EPB41L2: variants seen among roughly 807,000 people sequenced by gnomAD.
The protein encoded by EPB41L2 is erythrocyte membrane protein band 4.1 like 2.
In EPB41L2, 43 loss-of-function variants were observed where a neutral mutation model predicts 113.0. The observed-to-expected ratio is 0.38, with a 90% CI of 0.30 to 0.49. The LOEUF (loss-of-function observed/expected upper bound fraction) is 0.49, where lower values mean the gene tolerates loss of function less well. EPB41L2 is among the 20% of genes least tolerant of loss of function. The pLI is 0.95. For synonymous variants in EPB41L2, 442 were observed against 436.7 expected (o/e 1.01, Z -0.15); for missense variants, 1,147 against 1,223.4 (o/e 0.94, Z 0.93).
intron 1 of EPB41L2, among the ~76,000 whole-genome samples, chr6:131,042,704 G>A (rs1344010673): frequency 6.6e-6 from 1 of 152,102 alleles, no homozygotes; most frequent in African/African-American, 2.4e-5. Context: ...TTGCTTACTG[G>A]GTAAGAAATC....
chr6:131,038,127 A>G (rs1793732270), intron 1 of EPB41L2, among the ~76,000 whole-genome samples: 1 of 152,152 alleles, frequency 6.6e-6, no homozygotes, highest in African/African-American at 2.4e-5. Context: ...AAGGCCAGGT[A>G]CCTTCAAAAT....
chr6:130,880,258 A>T, intron 12 of EPB41L2, 52 bp from the exon 13 acceptor site: 4 of 1,302,836 alleles, frequency 3.1e-6, no homozygotes, highest in Non-Finnish European at 4.4e-6. Flanking sequence ...ACATAAGTGT[A>T]TCAATCAGCA....
intron 1 of EPB41L2, among the ~76,000 whole-genome samples, chr6:131,035,072 T>C (rs1793010878): frequency 6.6e-6 from 1 of 152,178 alleles, no homozygotes; most frequent in Non-Finnish European, 1.5e-5. Flanking sequence ...GAGCTCTTAG[T>C]TAAGAAGACA....
intron 10 of EPB41L2, 119 bp downstream of exon 10, chr6:130,894,225 C>T (rs1793865927): frequency 2.7e-6 from 2 of 751,454 alleles, no homozygotes. Flanking sequence ...TCAGTATGTT[C>T]CCCAGGCTGG....
At position 131,059,114 on chromosome 6, in the gene EPB41L2, C is replaced by CTTT. The variant is rs1554361720; in HGVS notation, c.-15+4038_-15+4040dup. ...TCTTTCCTTCTTGGCTTACCTATAA[C>CTTT]TTTTTTTTTTTTTTTTTTGAGATGG... is the stretch of plus-strand genomic sequence containing the variant. On this transcript the variant is annotated intron_variant, in intron 1 of 19. Transcript: ENST00000337057. Among the ~76,000 whole-genome samples, 6 of 131,366 alleles carry CTTT rather than the reference C, an allele frequency of 4.6e-5. 1 individual carries two copies. Among genetic ancestry groups the CTTT allele is most frequent in the Admixed American group, 7.9e-5 (1 of 12,670 alleles). 86.2% of individuals were successfully genotyped at this position (131,366 alleles called of 152,430 possible). A position where few individuals can be genotyped will look rare whatever the true frequency, so the allele number is the denominator to read the frequency against.
intron 1 of EPB41L2, among the ~76,000 whole-genome samples, chr6:131,046,366 C>A (rs1334459281): frequency 6.6e-6 from 1 of 152,140 alleles, no homozygotes; most frequent in Non-Finnish European, 1.5e-5. Flanking sequence ...CACTTGACCA[C>A]CGTCACACTT....
At chr6:131,055,726 C>T (rs1262871401) in intron 1 of EPB41L2, among the ~76,000 whole-genome samples, 3 of 152,094 alleles carry the variant, frequency 2.0e-5, no homozygotes, top group Admixed American at 6.5e-5. Flanking sequence ...GTTTCTCATC[C>T]GTAAAATAAG....
At chr6:130,890,526 C>A in intron 10 of EPB41L2, 60 bp from the exon 11 acceptor site, 5 of 1,524,844 alleles carry the variant, frequency 3.3e-6, no homozygotes, top group Non-Finnish European at 4.4e-6. Context: ...TTAGACTTTA[C>A]GGAATTTTTT....
At chr6:131,045,024 C>T (rs948436447) in intron 1 of EPB41L2, among the ~76,000 whole-genome samples, 4 of 152,078 alleles carry the variant, frequency 2.6e-5, no homozygotes, top group African/African-American at 9.7e-5. Context: ...TATATTTCTT[C>T]CAGCAGATTT....
intron 1 of EPB41L2, among the ~76,000 whole-genome samples, chr6:130,994,893 C>A (rs1246693277): frequency 6.6e-6 from 1 of 152,252 alleles, no homozygotes; most frequent in African/African-American, 2.4e-5. Context: ...AAGAATGCAA[C>A]CATTTGTCTC....
chr6:130,915,017 T>TCA (rs1342151342), intron 4 of EPB41L2, among the ~76,000 whole-genome samples: 1 of 152,190 alleles, frequency 6.6e-6, no homozygotes, highest in Non-Finnish European at 1.5e-5. Context: ...TATTGTTAAA[T>TCA]CACCGGCCGG....
At chr6:130,955,624 A>T (rs1817199731) in intron 2 of EPB41L2, among the ~76,000 whole-genome samples, 2 of 152,234 alleles carry the variant, frequency 1.3e-5, no homozygotes, top group African/African-American at 4.8e-5. Flanking sequence ...ATACCATGGC[A>T]AAACCTAGGC....
Position 130,930,393 on chromosome 6 carries a change from C to A in EPB41L2, c.706-3684G>T, listed in dbSNP as rs907032288. Among the ~76,000 whole-genome samples the A allele has an allele frequency of 3.9e-5, 6 of 152,256 alleles. No homozygotes were observed. The East Asian group carries it at 9.6e-4, about 24-fold the overall frequency. ...TCCAAAATCCAAAAGTTTTTTAACG[C>A]CAACATTATGCTCAAAGAAAATGCT... On this transcript the variant is annotated intron_variant, in intron 3 of 19. Transcript: ENST00000337057.
chr6:131,040,046 AT>A (rs1794131781), intron 1 of EPB41L2, among the ~76,000 whole-genome samples: 1 of 152,242 alleles, frequency 6.6e-6, no homozygotes, highest in Admixed American at 6.5e-5. Context: ...TAAAAATTCC[AT>A]TTTAGGGTAT....
At chr6:131,035,107 A>C (rs1793016989) in intron 1 of EPB41L2, among the ~76,000 whole-genome samples, 1 of 152,220 alleles carries the variant, frequency 6.6e-6, no homozygotes, top group Admixed American at 6.5e-5. Context: ...ACCTAAGAAA[A>C]GCATCCGAGA....
intron 8 of EPB41L2, among the ~76,000 whole-genome samples, chr6:130,897,001 C>T (rs1273817269): frequency 6.6e-6 from 1 of 152,110 alleles, no homozygotes. Flanking sequence ...CCCCACAAGA[C>T]GGCCCTCTCC....
chr6:131,023,080 G>C (rs189369999), intron 1 of EPB41L2, among the ~76,000 whole-genome samples: 1 of 152,022 alleles, frequency 6.6e-6, no homozygotes, highest in Non-Finnish European at 1.5e-5. Flanking sequence ...AATGAATATA[G>C]TATGTCCTAA....
intron 3 of EPB41L2, among the ~76,000 whole-genome samples, chr6:130,950,522 T>G (rs892945528): frequency 6.6e-6 from 1 of 151,726 alleles, no homozygotes; most frequent in Admixed American, 6.6e-5. Flanking sequence ...ATCAACGATT[T>G]AAAAAAAACA....
At chr6:130,960,424 T>C (rs982548679) in intron 1 of EPB41L2, among the ~76,000 whole-genome samples, 3 of 152,184 alleles carry the variant, frequency 2.0e-5, no homozygotes, top group Admixed American at 6.5e-5. Context: ...ACTGAGCTGG[T>C]TGACAGACAC....
Sources: gnomAD v4.1 joint callset for allele counts (sites outside exome capture counted in the v4.1 genomes callset) on GRCh38, gnomAD v4.1.1 for gene constraint, MANE v1.5 for transcripts, NCBI Gene and HGNC (gene_info 2026-07-23, HGNC 2026-07-21) for gene names.